The following HIGD1C variants were observed in gnomAD, a reference collection of about 807,000 sequenced individuals.
The protein encoded by HIGD1C is HIG1 domain family member 1C.
Under a neutral mutation model 13.1 loss-of-function variants are expected in HIGD1C, and 11 were observed. The observed-to-expected ratio is 0.84, with a 90% CI of 0.53 to 1.39. The LOEUF is 1.39. HIGD1C is among the 40% of genes most tolerant of loss of function. HIGD1C has a pLI of 0.00. For missense variants in HIGD1C, 110 were observed against 112.0 expected (o/e 0.98, Z 0.08); for synonymous variants, 36 against 37.7 (o/e 0.95, Z 0.17).
chr12:50,970,889 T>G, downstream of HIGD1C, among the ~76,000 whole-genome samples: 1 of 151,818 alleles, frequency 6.6e-6, no homozygotes, highest in South Asian at 2.1e-4. Context: ...TATTTTATTT[T>G]ATTTTTTGAG....
exon 1 of HIGD1C, chr12:50,953,969 A>G: frequency 7.6e-7 from 1 of 1,318,110 alleles, no homozygotes; most frequent in African/African-American, 1.4e-5. Context: ...CGGCAACCAC[A>G]TTTATATCCT....
At chr12:50,954,239 G>A (rs1205533152) in intron 1 of HIGD1C, 147 bp downstream of exon 3, 1 of 535,056 alleles carries the variant, frequency 1.9e-6, no homozygotes, top group African/African-American at 1.9e-5. Flanking sequence ...TGAACTTTCA[G>A]AATAGTTCCT....
At chr12:50,935,115 C>T in the HIGD1C span, 1 of 152,182 alleles carries the variant, frequency 6.6e-6, no homozygotes. Context: ...AAACACAGAA[C>T]TTAACATAAC....
At position 50,960,952 on chromosome 12, in the gene HIGD1C, C is replaced by A; in HGVS notation, c.95-16C>A. ...GCCTCAGCCTTCCAAATAACCCATACTTTTAAAATTCACAGGTATAGCAGG... is the reference window on the plus strand; with the variant it reads ...GCCTCAGCCTTCCAAATAACCCATAATTTTAAAATTCACAGGTATAGCAGG... On this transcript the variant is annotated splice_polypyrimidine_tract_variant and intron_variant, in intron 1 of 2. Transcript: ENST00000398455. 2 of 1,550,582 alleles carry A rather than the reference C, an allele frequency of 1.3e-6. No individual in the cohort carries two copies. Among genetic ancestry groups the A allele is most frequent in the Non-Finnish European group, 1.7e-6 (2 of 1,145,934 alleles).
chr12:50,961,142 G>T, intron 2 of HIGD1C, 40 bp downstream of exon 4: 4 of 1,600,392 alleles, frequency 2.5e-6, no homozygotes, highest in Non-Finnish European at 2.6e-6. Context: ...AGCTGTCTTT[G>T]AGAGTACATT....
At chr12:50,946,426 G>A in the HIGD1C span, among the ~76,000 whole-genome samples, 1 of 152,212 alleles carries the variant, frequency 6.6e-6, no homozygotes, top group Non-Finnish European at 1.5e-5. Context: ...CGAAGGATAT[G>A]AACAGACACT....
the HIGD1C span, among the ~76,000 whole-genome samples, chr12:50,941,759 C>T: frequency 6.6e-6 from 1 of 152,242 alleles, no homozygotes; most frequent in African/African-American, 2.4e-5. Context: ...AACTTAGAGA[C>T]TTCCAATGCC....
chr12:50,968,346 C>T (rs759235241), intron 2 of HIGD1C, among the ~76,000 whole-genome samples: 31 of 152,072 alleles, frequency 2.0e-4, no homozygotes, highest in Admixed American at 7.9e-4. Flanking sequence ...TTACTGCCTC[C>T]CAACTTACCG....
chr12:50,971,598 C>A (rs111965609), downstream of HIGD1C, among the ~76,000 whole-genome samples: 1 of 152,252 alleles, frequency 6.6e-6, no homozygotes, highest in East Asian at 1.9e-4. Flanking sequence ...CCTTGGACTC[C>A]GCTCTAACTG....
At chr12:50,953,779 C>T, upstream of HIGD1C, 2 of 441,164 alleles carry the variant, frequency 4.5e-6, no homozygotes, top group Non-Finnish European at 7.9e-6. Context: ...TTATCATTTC[C>T]TCTATGTATT....
At chr12:50,939,527 C>T in the HIGD1C span, among the ~76,000 whole-genome samples, 1 of 152,118 alleles carries the variant, frequency 6.6e-6, no homozygotes, top group Non-Finnish European at 1.5e-5. Flanking sequence ...GAATTTAAGC[C>T]GCTCATCTCT....
intron 1 of HIGD1C, among the ~76,000 whole-genome samples, chr12:50,957,249 C>T (rs549570707): frequency 2.6e-5 from 4 of 151,388 alleles, no homozygotes; most frequent in South Asian, 2.1e-4. Context: ...TTCCCTCTGT[C>T]GCCCAGGCTG....
At chr12:50,937,623 G>A in the HIGD1C span, among the ~76,000 whole-genome samples, 8 of 152,078 alleles carry the variant, frequency 5.3e-5, no homozygotes, top group Non-Finnish European at 7.4e-5. Flanking sequence ...CCCTCGGTGG[G>A]TCCCAAGTTC....
the HIGD1C span, among the ~76,000 whole-genome samples, chr12:50,948,133 T>A: frequency 6.6e-6 from 1 of 152,364 alleles, no homozygotes; most frequent in East Asian, 1.9e-4. Flanking sequence ...GCTAAAATTA[T>A]AATTTCTATT....
At chr12:50,949,573 G>A (rs191563574), upstream of HIGD1C, among the ~76,000 whole-genome samples, 5 of 119,672 alleles carry the variant, frequency 4.2e-5, no homozygotes, top group Admixed American at 1.2e-4. Flanking sequence ...TCACTCTGTC[G>A]TCCAGGCTGG....
chr12:50,948,203 C>T, the HIGD1C span, among the ~76,000 whole-genome samples: 1 of 152,210 alleles, frequency 6.6e-6, no homozygotes, highest in African/African-American at 2.4e-5. Context: ...CTAAGCATAT[C>T]TTCTAATCCT....
intron 2 of HIGD1C, among the ~76,000 whole-genome samples, chr12:50,969,813 G>C (rs992877429): frequency 6.6e-6 from 1 of 152,104 alleles, no homozygotes; most frequent in African/African-American, 2.4e-5. Flanking sequence ...AACTGAGACA[G>C]GTATGGGCTG....
intron 1 of HIGD1C, among the ~76,000 whole-genome samples, chr12:50,957,298 C>A (rs1939134016): frequency 6.6e-6 from 1 of 151,846 alleles, no homozygotes; most frequent in Admixed American, 6.6e-5. Flanking sequence ...ACAACCTCCA[C>A]CTCCTGGGCT....
the HIGD1C span, among the ~76,000 whole-genome samples, chr12:50,942,486 G>C: frequency 2.0e-5 from 3 of 152,126 alleles, no homozygotes; most frequent in Admixed American, 6.5e-5. Context: ...GCTGCTACCA[G>C]AACCTAAATA....
Sources: allele counts gnomAD v4.1 joint callset (sites outside exome capture counted in the v4.1 genomes callset), GRCh38; gene constraint gnomAD v4.1.1; transcripts MANE v1.5; gene names NCBI Gene and HGNC (gene_info 2026-07-23, HGNC 2026-07-21).